The following GMDS variants were observed in gnomAD, a reference collection of about 807,000 sequenced individuals.
GMDS encodes the protein GDP-mannose 4,6-dehydratase.
Under a neutral mutation model 49.9 loss-of-function variants are expected in GMDS, and 20 were observed. The observed-to-expected ratio is 0.40, with a 90% confidence interval of 0.28 to 0.58. The LOEUF (loss-of-function observed/expected upper bound fraction) is 0.58, where lower values mean the gene tolerates loss of function less well. Ranked by LOEUF, GMDS falls within the 20% of genes least tolerant of loss-of-function variation. GMDS has a pLI of 0.42. For missense variants in GMDS, 362 were observed against 481.4 expected (o/e 0.75, Z 2.32); for synonymous variants, 177 against 178.6 (o/e 0.99, Z 0.07).
chr6:1,716,865 T>C (rs1029479442), intron 9 of GMDS, among the ~76,000 whole-genome samples: 17 of 152,366 alleles, frequency 1.1e-4, no homozygotes, highest in African/African-American at 3.6e-4. Context: ...AAGCCTGTCC[T>C]TGTCCCTCAG....
intron 7 of GMDS, among the ~76,000 whole-genome samples, chr6:1,743,446 G>A (rs1004542333): frequency 6.7e-6 from 1 of 149,068 alleles, no homozygotes; most frequent in African/African-American, 2.5e-5. Context: ...GGGAGGCTGA[G>A]GCAGGAGAAT....
chr6:1,806,544 C>T (rs1210598264), intron 7 of GMDS, among the ~76,000 whole-genome samples: 1 of 151,846 alleles, frequency 6.6e-6, no homozygotes, highest in Admixed American at 6.6e-5. Flanking sequence ...CTGAACAAAT[C>T]GGGGCTTAAA....
At chr6:1,986,833 A>C (rs1483416711) in intron 4 of GMDS, among the ~76,000 whole-genome samples, 1 of 152,134 alleles carries the variant, frequency 6.6e-6, no homozygotes, top group African/African-American at 2.4e-5. Context: ...ATTATTCAAA[A>C]TTTTTTTAGC....
chr6:1,980,536 G>A (rs1325288034), intron 4 of GMDS, among the ~76,000 whole-genome samples: 5 of 151,818 alleles, frequency 3.3e-5, no homozygotes, highest in South Asian at 2.1e-4. Flanking sequence ...AAAAAGCACT[G>A]CCAAGTTCAT....
intron 7 of GMDS, among the ~76,000 whole-genome samples, chr6:1,758,945 C>T (rs369750938): frequency 4.6e-5 from 7 of 152,142 alleles, no homozygotes; most frequent in African/African-American, 1.4e-4. Context: ...ATTTTTGACA[C>T]GGAGTCTCAC....
chr6:1,980,173 G>T (rs1765137933), intron 4 of GMDS, among the ~76,000 whole-genome samples: 1 of 152,084 alleles, frequency 6.6e-6, no homozygotes, highest in African/African-American at 2.4e-5. Context: ...ATCATGACAG[G>T]ATTTAATCCA....
chr6:2,127,786 C>T (rs1298645810), intron 1 of GMDS, among the ~76,000 whole-genome samples: 1 of 152,196 alleles, frequency 6.6e-6, no homozygotes, highest in Non-Finnish European at 1.5e-5. Flanking sequence ...GGCAGACGTC[C>T]GCCAAGCCAA....
intron 7 of GMDS, among the ~76,000 whole-genome samples, chr6:1,810,218 A>T (rs1770359961): frequency 6.6e-6 from 1 of 152,196 alleles, no homozygotes; most frequent in African/African-American, 2.4e-5. Flanking sequence ...GATGGGGCAC[A>T]CCAGAGGGAG....
At chr6:1,738,225 T>A (rs377587021) in intron 8 of GMDS, among the ~76,000 whole-genome samples, 3 of 151,794 alleles carry the variant, frequency 2.0e-5, no homozygotes, top group East Asian at 3.9e-4. Flanking sequence ...ACAGATGCTA[T>A]CAAAAGAAAG....
intron 1 of GMDS, among the ~76,000 whole-genome samples, chr6:2,231,026 CA>C (rs1230896580): frequency 1.4e-5 from 2 of 140,494 alleles, no homozygotes; most frequent in Non-Finnish European, 3.0e-5. Context: ...ATTATAAGGA[CA>C]GGGGGACAAG....
In GMDS at chr6:2,235,404, A is replaced by G. The variant is rs563668255; in HGVS notation, c.102+9917T>C. Among the ~76,000 whole-genome samples the G allele has an allele frequency of 3.9e-5, 6 of 152,288 alleles. No individual in the cohort carries two copies. The East Asian group carries it at 9.6e-4, about 24-fold the overall frequency. On this transcript the variant is annotated intron_variant, in intron 1 of 10. Coordinates refer to ENST00000380815, the MANE Select transcript of GMDS (RefSeq NM_001500.4). Reference sequence around the variant, plus strand: ...ATGCCTCCCCCAGGGACAATGCCTAATTCATTCCATACTAAGCACCCAAAT... The same window carrying G: ...ATGCCTCCCCCAGGGACAATGCCTAGTTCATTCCATACTAAGCACCCAAAT...
At chr6:1,875,263 T>G (rs1261762013) in intron 7 of GMDS, among the ~76,000 whole-genome samples, 2 of 152,054 alleles carry the variant, frequency 1.3e-5, no homozygotes, top group Non-Finnish European at 2.9e-5. Flanking sequence ...TTCACATATT[T>G]GAATAACTCT....
intron 1 of GMDS, among the ~76,000 whole-genome samples, chr6:2,125,557 G>A (rs1274177156): frequency 6.6e-6 from 1 of 152,080 alleles, no homozygotes; most frequent in Non-Finnish European, 1.5e-5. Context: ...TTGCAAAACT[G>A]CACTCCAGCC....
intron 7 of GMDS, among the ~76,000 whole-genome samples, chr6:1,817,082 C>T (rs1770702636): frequency 6.8e-6 from 1 of 146,054 alleles, no homozygotes. Context: ...GGTATTTATA[C>T]ATATATATTT....
chr6:2,239,346 A>T (rs554245956), intron 1 of GMDS, among the ~76,000 whole-genome samples: 2 of 152,028 alleles, frequency 1.3e-5, no homozygotes, highest in South Asian at 2.1e-4. Flanking sequence ...AAAAAAAAAA[A>T]ATCCAATTGG....
chr6:1,728,504 T>G (rs937871320), intron 8 of GMDS, among the ~76,000 whole-genome samples: 21 of 152,234 alleles, frequency 1.4e-4, no homozygotes, highest in African/African-American at 4.8e-4. Flanking sequence ...CTGACTTATG[T>G]GCGCACCAAT....
intron 1 of GMDS, among the ~76,000 whole-genome samples, chr6:2,132,529 T>C (rs573159984): frequency 6.6e-6 from 1 of 152,300 alleles, no homozygotes; most frequent in South Asian, 2.1e-4. Context: ...AATAACCAGG[T>C]AACCTGTACA....
intron 8 of GMDS, among the ~76,000 whole-genome samples, chr6:1,737,189 A>T (rs1480590430): frequency 6.6e-6 from 1 of 152,222 alleles, no homozygotes; most frequent in East Asian, 1.9e-4. Context: ...TCAGTACCAC[A>T]GACTACAATA....
chr6:1,823,110 A>C (rs1208040987), intron 7 of GMDS, among the ~76,000 whole-genome samples: 1 of 152,238 alleles, frequency 6.6e-6, no homozygotes, highest in Non-Finnish European at 1.5e-5. Flanking sequence ...GGATACTAGA[A>C]GTGTGTAAAA....
Sources: gnomAD v4.1 joint callset for allele counts (sites outside exome capture counted in the v4.1 genomes callset) on GRCh38, gnomAD v4.1.1 for gene constraint, MANE v1.5 for transcripts, NCBI Gene and HGNC (gene_info 2026-07-23, HGNC 2026-07-21) for gene names.